The following NRXN3 variants were observed in gnomAD, a reference collection of about 807,000 sequenced individuals.
The protein encoded by NRXN3 is neurexin 3.
A neutral mutation model predicts 137.6 loss-of-function variants in NRXN3; 32 were observed. That is an observed-to-expected ratio of 0.23 (90% CI 0.18 to 0.31). NRXN3 has a LOEUF of 0.31. Ranked by LOEUF, NRXN3 falls within the 10% of genes least tolerant of loss-of-function variation. The pLI is 1.00. For missense variants in NRXN3, 1,574 were observed against 2,062.5 expected, an observed-to-expected ratio of 0.76 and a Z score of 4.59; for synonymous variants, 798 against 784.5, an observed-to-expected ratio of 1.02 and a Z score of -0.29.
intron 16 of NRXN3, among the ~76,000 whole-genome samples, chr14:79,647,173 G>C (rs1339332129): frequency 7.4e-6 from 1 of 135,714 alleles, no homozygotes; most frequent in East Asian, 2.0e-4. Flanking sequence ...TGGCAATTTT[G>C]TTTTTCTGGC....
chr14:79,305,328 A>C (rs1390230608), intron 15 of NRXN3, among the ~76,000 whole-genome samples: 1 of 151,944 alleles, frequency 6.6e-6, no homozygotes, highest in East Asian at 1.9e-4. Context: ...GCAAACCTTA[A>C]TTTTCTCACT....
chr14:79,768,993 C>T (rs1350175255), intron 19 of NRXN3, among the ~76,000 whole-genome samples: 4 of 151,304 alleles, frequency 2.6e-5, no homozygotes, highest in East Asian at 1.9e-4. Context: ...CCTCAGGAGC[C>T]GATGCGATCA....
At chr14:79,119,055 A>G (rs2054965943) in intron 15 of NRXN3, among the ~76,000 whole-genome samples, 2 of 152,194 alleles carry the variant, frequency 1.3e-5, no homozygotes, top group South Asian at 4.1e-4. Context: ...TAAAACCCAA[A>G]TTTTGTTTTT....
intron 15 of NRXN3, among the ~76,000 whole-genome samples, chr14:79,385,204 T>TCCCCCCCCCC (rs557799323): frequency 4.9e-4 from 44 of 90,488 alleles, no homozygotes; most frequent in Admixed American, 6.9e-4. Flanking sequence ...ATGCTATCCT[T>TCCCCCCCCCC]CCCCCCGCCC....
intron 19 of NRXN3, among the ~76,000 whole-genome samples, chr14:79,729,049 T>C (rs974781358): frequency 6.6e-6 from 1 of 152,158 alleles, no homozygotes; most frequent in Non-Finnish European, 1.5e-5. Context: ...CTTGACAAAA[T>C]GCTCAAGACC....
intron 15 of NRXN3, among the ~76,000 whole-genome samples, chr14:79,008,539 G>T (rs569246140): frequency 6.6e-6 from 1 of 150,892 alleles, no homozygotes; most frequent in Non-Finnish European, 1.5e-5. Flanking sequence ...GCTTGCCAGC[G>T]TAAGTTTCCT....
intron 4 of NRXN3, among the ~76,000 whole-genome samples, chr14:78,443,830 T>C (rs1271723790): frequency 6.6e-6 from 1 of 152,234 alleles, no homozygotes; most frequent in Admixed American, 6.5e-5. Context: ...CTCATACCCA[T>C]ACATGATTCA....
chr14:79,026,461 T>C (rs2099598197), intron 15 of NRXN3, among the ~76,000 whole-genome samples: 1 of 152,042 alleles, frequency 6.6e-6, no homozygotes, highest in Non-Finnish European at 1.5e-5. Flanking sequence ...CCCTCTTCCA[T>C]TTGAGGCCCT....
chr14:78,504,845 G>C (rs2095953397), intron 4 of NRXN3, among the ~76,000 whole-genome samples: 1 of 152,070 alleles, frequency 6.6e-6, no homozygotes, highest in African/African-American at 2.4e-5. Context: ...CCATTTTACA[G>C]AAGATGTCTA....
At position 79,789,811 on chromosome 14, in the gene NRXN3, A is replaced by G. The variant is rs150731703; in HGVS notation, c.4015-15301A>G. On this transcript the variant is annotated intron_variant, in intron 19 of 20. Coordinates refer to ENST00000335750, the MANE Select transcript of NRXN3 (RefSeq NM_001330195.2). ...GACCTGCATCTTGTGCTGACCTCCT[A>G]TCTCATCCTGTGACTCAGAATACCT... Among the ~76,000 whole-genome samples the G allele has an allele frequency of 8.8e-3, 1,337 of 152,240 alleles. 12 individuals carry two copies. The highest frequency in any genetic ancestry group is 0.03 in the South Asian group (146 of 4,822).
intron 19 of NRXN3, among the ~76,000 whole-genome samples, chr14:79,764,264 G>A (rs752870531): frequency 1.3e-5 from 2 of 151,948 alleles, no homozygotes; most frequent in South Asian, 2.1e-4. Flanking sequence ...ACCAATTGCA[G>A]CCATGTTATA....
intron 15 of NRXN3, among the ~76,000 whole-genome samples, chr14:79,239,811 C>A (rs993359139): frequency 6.6e-6 from 1 of 152,092 alleles, no homozygotes; most frequent in African/African-American, 2.4e-5. Flanking sequence ...TATACACAAT[C>A]GAATATTATT....
At chr14:78,224,956 C>T (rs1244466935) in intron 1 of NRXN3, among the ~76,000 whole-genome samples, 10 of 121,904 alleles carry the variant, frequency 8.2e-5, no homozygotes, top group African/African-American at 2.3e-4. Flanking sequence ...TTAGTAGAGA[C>T]GGGGTTTCAC....
chr14:79,605,742 G>A (rs946650291), intron 16 of NRXN3, among the ~76,000 whole-genome samples: 25 of 152,148 alleles, frequency 1.6e-4, no homozygotes, highest in Non-Finnish European at 2.9e-4. Context: ...TGCCTACCTC[G>A]GCCTCCCAAA....
At chr14:79,254,425 T>G (rs1319042694) in intron 15 of NRXN3, among the ~76,000 whole-genome samples, 1 of 152,188 alleles carries the variant, frequency 6.6e-6, no homozygotes, top group Non-Finnish European at 1.5e-5. Flanking sequence ...AGCTCCTTGG[T>G]GACTTTTCTG....
intron 19 of NRXN3, among the ~76,000 whole-genome samples, chr14:79,750,681 C>T (rs1356545624): frequency 6.6e-6 from 1 of 152,120 alleles, no homozygotes; most frequent in Non-Finnish European, 1.5e-5. Context: ...GTATTCAATG[C>T]CATCTTGTCT....
At chr14:79,059,146 A>G (rs991982876) in intron 15 of NRXN3, among the ~76,000 whole-genome samples, 3 of 150,920 alleles carry the variant, frequency 2.0e-5, no homozygotes, top group African/African-American at 7.3e-5. Context: ...TGTTCCTCTC[A>G]CTTCCTGTTG....
intron 10 of NRXN3, among the ~76,000 whole-genome samples, chr14:78,875,736 A>G (rs1453995296): frequency 6.6e-6 from 1 of 152,222 alleles, no homozygotes; most frequent in Non-Finnish European, 1.5e-5. Flanking sequence ...TATATCTGTG[A>G]AAAGAGAATG....
intron 10 of NRXN3, among the ~76,000 whole-genome samples, chr14:78,885,161 A>G (rs2099139902): frequency 6.7e-6 from 1 of 148,418 alleles, no homozygotes; most frequent in African/African-American, 2.4e-5. Context: ...TAAATTACAT[A>G]TGTAAAATAT....
Sources: gnomAD v4.1 joint callset for allele counts (sites outside exome capture counted in the v4.1 genomes callset) on GRCh38, gnomAD v4.1.1 for gene constraint, MANE v1.5 for transcripts, NCBI Gene and HGNC (gene_info 2026-07-23, HGNC 2026-07-21) for gene names.